The following ETV1 variants were observed in gnomAD, a reference collection of about 807,000 sequenced individuals.
ETV1 encodes ETS variant transcription factor 1.
A neutral mutation model predicts 62.3 loss-of-function variants in ETV1; 27 were observed. The observed-to-expected ratio is 0.43, with a 90% CI of 0.32 to 0.60. ETV1 has a LOEUF of 0.60. ETV1 is among the 20% of genes least tolerant of loss of function. ETV1 has a pLI of 0.06. For missense variants in ETV1, 605 were observed against 605.8 expected (o/e 1.00, Z 0.01); for synonymous variants, 222 against 199.6 (o/e 1.11, Z -0.94).
intron 9 of ETV1, among the ~76,000 whole-genome samples, chr7:13,912,835 T>G (rs1282569542): frequency 6.6e-6 from 1 of 152,182 alleles, no homozygotes; most frequent in African/African-American, 2.4e-5. Flanking sequence ...TATCCTTAAG[T>G]GATATCAGTT....
At chr7:13,946,476 G>T (rs932744271) in intron 6 of ETV1, among the ~76,000 whole-genome samples, 1 of 152,148 alleles carries the variant, frequency 6.6e-6, no homozygotes, top group African/African-American at 2.4e-5. Context: ...TCTTAATTCA[G>T]AAGTTTACTT....
At chr7:13,986,497 C>G in intron 5 of ETV1, 141 bp downstream of exon 5, 1 of 1,521,894 alleles carries the variant, frequency 6.6e-7, no homozygotes, top group South Asian at 1.3e-5. Flanking sequence ...TCATCAGAGG[C>G]TCTAATGTAT....
intron 13 of ETV1, chr7:13,900,366 A>ATT (rs1363604261): frequency 5.8e-6 from 1 of 171,240 alleles, no homozygotes; most frequent in East Asian, 1.6e-4. Context: ...AAAAGTACAA[A>ATT]TTTATTCTAA....
At chr7:13,956,420 T>C (rs1375125342) in intron 6 of ETV1, among the ~76,000 whole-genome samples, 1 of 152,120 alleles carries the variant, frequency 6.6e-6, no homozygotes, top group African/African-American at 2.4e-5. Flanking sequence ...AATAAGATCA[T>C]TTCCATCCTT....
At chr7:13,964,856 T>C (rs1053782187) in intron 6 of ETV1, among the ~76,000 whole-genome samples, 2 of 152,190 alleles carry the variant, frequency 1.3e-5, no homozygotes, top group African/African-American at 4.8e-5. Flanking sequence ...GTGTACAATC[T>C]TTCTTTTAAA....
Position 13,989,145 on chromosome 7 carries a change from G to A in ETV1, c.-87-6C>T, listed in dbSNP as rs1276116758. 12 of 1,111,264 alleles carry A rather than the reference G, an allele frequency of 1.1e-5. No individual in the cohort carries two copies. Among genetic ancestry groups the A allele is most frequent in the Non-Finnish European group, 1.4e-5 (11 of 765,064 alleles). The allele number at this position is 1,111,264 out of a possible 1,614,324, so 68.8% of individuals were successfully genotyped here. On this transcript the variant is annotated splice_region_variant and splice_polypyrimidine_tract_variant and intron_variant, in intron 2 of 13. Transcript: ENST00000430479. ...GGATCTGGACTTCTATCAACCTAGA[G>A]GGGAACAAGATGGCTTTTAGGCTTA...
In ETV1 at chr7:13,931,710, A is replaced by G. The variant is rs1786192254; in HGVS notation, c.594T>C (p.Pro198=). ...CTTCCCTTGGCATCGTCGGCAAAGGAGGAAAGGAGTTACAGGGTTCAGAAA... is the reference window on the plus strand; with the variant it reads ...CTTCCCTTGGCATCGTCGGCAAAGGGGGAAAGGAGTTACAGGGTTCAGAAA... ...RQLSEPCNSF[P]PLPTMPREGR... The change falls in exon 9 of 14, where the codon CCT becomes CCC. Residue 198 remains proline, a synonymous_variant. Coordinates refer to ENST00000430479, the MANE Select transcript of ETV1 (RefSeq NM_004956.5). 6.2e-7 allele frequency: 1 copy of G among 1,614,008 alleles called. No individual in the cohort carries two copies. Among genetic ancestry groups the G allele is most frequent in the East Asian group, 2.2e-5 (1 of 44,878 alleles).
intron 6 of ETV1, among the ~76,000 whole-genome samples, chr7:13,947,624 A>G (rs1788326479): frequency 6.6e-6 from 1 of 152,210 alleles, no homozygotes; most frequent in Admixed American, 6.5e-5. Flanking sequence ...TTAAGGTTGT[A>G]ATTGTTGAAC....
At chr7:13,919,277 G>A (rs1013487198) in intron 9 of ETV1, among the ~76,000 whole-genome samples, 5 of 151,998 alleles carry the variant, frequency 3.3e-5, no homozygotes, top group African/African-American at 1.2e-4. Context: ...TGGATGTCAG[G>A]CCCAGGATTT....
At chr7:13,958,407 C>G (rs181236962) in intron 6 of ETV1, among the ~76,000 whole-genome samples, 7 of 152,298 alleles carry the variant, frequency 4.6e-5, no homozygotes, top group African/African-American at 9.6e-5. Flanking sequence ...TGCTACCATT[C>G]TCTCTGATGG....
chr7:13,928,360 T>C (rs1237159100), intron 9 of ETV1, among the ~76,000 whole-genome samples: 1 of 152,194 alleles, frequency 6.6e-6, no homozygotes, highest in African/African-American at 2.4e-5. Flanking sequence ...CTCACGCTTG[T>C]AATCCCAGCA....
intron 9 of ETV1, among the ~76,000 whole-genome samples, chr7:13,929,460 A>G (rs10242994): frequency 1.3e-5 from 2 of 152,064 alleles, no homozygotes; most frequent in South Asian, 4.2e-4. Context: ...AATCTCTAAA[A>G]TGAGCCTGGA....
At chr7:13,979,973 G>C (rs926261889) in intron 5 of ETV1, among the ~76,000 whole-genome samples, 1 of 152,096 alleles carries the variant, frequency 6.6e-6, no homozygotes, top group Non-Finnish European at 1.5e-5. Context: ...TTTAGGAGTA[G>C]AATAATCTAG....
rs1375201232 is a variant in ETV1, at chr7:13,906,485, T to A, written c.1055A>T (p.His352Leu). 1 of 1,610,746 alleles carries A rather than the reference T, an allele frequency of 6.2e-7. No homozygotes were observed. The highest frequency in any genetic ancestry group is 1.1e-5 in the South Asian group (1 of 90,234). ...VALLDDPSNS[H>L]FIAWTGRGME... is the part of the protein sequence containing the mutation. Reference sequence around the variant, plus strand: ...GCCTCGACCAGTCCAGGCAATAAAATGAGAATTTGAAGGGTCATCCAGAAG... The same window carrying A: ...GCCTCGACCAGTCCAGGCAATAAAAAGAGAATTTGAAGGGTCATCCAGAAG... The change falls in exon 12 of 14, where the codon CAT becomes CTT. Residue 352 changes from histidine to leucine, a missense_variant. Transcript: ENST00000430479.
At chr7:13,928,217 C>T (rs1423008735) in intron 9 of ETV1, among the ~76,000 whole-genome samples, 1 of 152,198 alleles carries the variant, frequency 6.6e-6, no homozygotes, top group Non-Finnish European at 1.5e-5. Context: ...ATTAGGTTCA[C>T]ATCTTCTTAA....
At chr7:13,964,863 TAA>T (rs1790601430) in intron 6 of ETV1, among the ~76,000 whole-genome samples, 2 of 152,186 alleles carry the variant, frequency 1.3e-5, no homozygotes, top group South Asian at 4.1e-4. Context: ...ATCTTTCTTT[TAA>T]AATCATGAAG....
intron 9 of ETV1, among the ~76,000 whole-genome samples, chr7:13,918,065 T>A (rs1023193935): frequency 6.6e-6 from 1 of 152,172 alleles, no homozygotes; most frequent in Non-Finnish European, 1.5e-5. Context: ...TAATGTGGAA[T>A]TTCAATTTTA....
At chr7:13,930,125 TAAC>T (rs1356609742) in intron 9 of ETV1, among the ~76,000 whole-genome samples, 1 of 152,190 alleles carries the variant, frequency 6.6e-6, no homozygotes, top group African/African-American at 2.4e-5. Context: ...ACAATAATGT[TAAC>T]AATATTTTAC....
chr7:13,898,699 T>A (rs1782092013), intron 13 of ETV1, among the ~76,000 whole-genome samples: 2 of 152,240 alleles, frequency 1.3e-5, no homozygotes, highest in African/African-American at 4.8e-5. Flanking sequence ...AGTGAACAAA[T>A]ATAGCCATAT....
Sources: gnomAD v4.1 joint callset for allele counts (sites outside exome capture counted in the v4.1 genomes callset) on GRCh38, gnomAD v4.1.1 for gene constraint, MANE v1.5 for transcripts, NCBI Gene and HGNC (gene_info 2026-07-23, HGNC 2026-07-21) for gene names.